Variants in LOC128125817 observed in about 807,000 individuals in gnomAD.
the LOC128125817 span, among the ~76,000 whole-genome samples, chr1:41,607,556 C>T: frequency 3.4e-3 from 524 of 152,044 alleles, 4 homozygotes; most frequent in Non-Finnish European, 5.1e-3. Flanking sequence ...TTTGGGCTTT[C>T]TTATATTCAA....
the LOC128125817 span, among the ~76,000 whole-genome samples, chr1:41,589,624 T>C: frequency 6.6e-6 from 1 of 152,182 alleles, no homozygotes; most frequent in Admixed American, 6.5e-5. Context: ...AGGTAGACAA[T>C]TCCACCAGTC....
At chr1:41,615,153 T>A in the LOC128125817 span, among the ~76,000 whole-genome samples, 1 of 152,248 alleles carries the variant, frequency 6.6e-6, no homozygotes, top group East Asian at 1.9e-4. Flanking sequence ...TGACTTGAAT[T>A]GGACTTGTTT....
chr1:41,603,324 T>C, the LOC128125817 span, among the ~76,000 whole-genome samples: 1 of 151,996 alleles, frequency 6.6e-6, no homozygotes, highest in Admixed American at 6.6e-5. Flanking sequence ...CACCTCGGCC[T>C]CCCAAAGCGC....
chr1:41,604,207 C>T, the LOC128125817 span, among the ~76,000 whole-genome samples: 1 of 152,002 alleles, frequency 6.6e-6, no homozygotes, highest in Non-Finnish European at 1.5e-5. Flanking sequence ...GTATGTCCTC[C>T]AAAAAACACA....
chr1:41,626,213 C>CT, the LOC128125817 span, among the ~76,000 whole-genome samples: 1 of 152,262 alleles, frequency 6.6e-6, no homozygotes, highest in Non-Finnish European at 1.5e-5. Flanking sequence ...GTTTGCAGCA[C>CT]TGCACACCTC....
chr1:41,613,184 C>G, the LOC128125817 span, among the ~76,000 whole-genome samples: 1 of 152,248 alleles, frequency 6.6e-6, no homozygotes, highest in Admixed American at 6.5e-5. Context: ...TGCGTCCTCT[C>G]CAAATGGGTT....
the LOC128125817 span, among the ~76,000 whole-genome samples, chr1:41,625,199 C>T: frequency 7.2e-5 from 10 of 138,570 alleles, no homozygotes; most frequent in Non-Finnish European, 1.2e-4. Flanking sequence ...AAAAGAATTC[C>T]TTAATACTTT....
At chr1:41,586,305 C>A in the LOC128125817 span, among the ~76,000 whole-genome samples, 2 of 152,144 alleles carry the variant, frequency 1.3e-5, no homozygotes. Flanking sequence ...GGAACAGGGT[C>A]GGAATCCCAA....
the LOC128125817 span, among the ~76,000 whole-genome samples, chr1:41,611,006 T>C: frequency 6.6e-6 from 1 of 152,078 alleles, no homozygotes; most frequent in Non-Finnish European, 1.5e-5. Flanking sequence ...ATACAGGCTT[T>C]CTTCCATTCA....
At chr1:41,587,418 A>G in the LOC128125817 span, among the ~76,000 whole-genome samples, 1 of 152,256 alleles carries the variant, frequency 6.6e-6, no homozygotes, top group Admixed American at 6.5e-5. Flanking sequence ...CAGGGTGGCC[A>G]TATAAGATAC....
the LOC128125817 span, among the ~76,000 whole-genome samples, chr1:41,594,913 G>T: frequency 1.3e-5 from 2 of 152,088 alleles, no homozygotes; most frequent in Non-Finnish European, 2.9e-5. Flanking sequence ...TGTGTGTAAG[G>T]AGTGAGGTAA....
the LOC128125817 span, among the ~76,000 whole-genome samples, chr1:41,595,465 C>T: frequency 2.6e-5 from 4 of 152,054 alleles, no homozygotes; most frequent in Non-Finnish European, 5.9e-5. Flanking sequence ...TGGGACATGC[C>T]GAGAAAGGAG....
chr1:41,599,653 T>C, the LOC128125817 span, among the ~76,000 whole-genome samples: 8 of 152,166 alleles, frequency 5.3e-5, no homozygotes, highest in Non-Finnish European at 1.2e-4. Context: ...GGAAGAAGCT[T>C]CATCACATTG....
chr1:41,615,815 CTTTTTTTTTTTTTTTTTT>C, the LOC128125817 span, among the ~76,000 whole-genome samples: 2 of 46,990 alleles, frequency 4.3e-5, 1 homozygote, highest in Non-Finnish European at 7.8e-5. Flanking sequence ...TTTGACAAGT[CTTTTTTTTTTTTTTTTTT>C]TTTTTTTTTT....
the LOC128125817 span, among the ~76,000 whole-genome samples, chr1:41,618,053 A>G: frequency 1.3e-5 from 2 of 152,188 alleles, no homozygotes; most frequent in African/African-American, 4.8e-5. Context: ...CTTACTAGAA[A>G]GGCGTAGTGT....
At chr1:41,613,012 G>A in the LOC128125817 span, among the ~76,000 whole-genome samples, 26 of 152,320 alleles carry the variant, frequency 1.7e-4, no homozygotes, top group South Asian at 1.9e-3. Context: ...TCCAGGAAGC[G>A]CCCAAGGAAG....
At chr1:41,615,845 T>TA in the LOC128125817 span, among the ~76,000 whole-genome samples, 1 of 137,816 alleles carries the variant, frequency 7.3e-6, no homozygotes, top group East Asian at 2.0e-4. Context: ...TTTTTTTTTT[T>TA]AGCAGGGTGG....
chr1:41,623,251 A>G, the LOC128125817 span, among the ~76,000 whole-genome samples: 1 of 152,180 alleles, frequency 6.6e-6, no homozygotes, highest in Non-Finnish European at 1.5e-5. Flanking sequence ...GCGACACGAG[A>G]AACCACGAAA....
chr1:41,596,315 G>A, the LOC128125817 span, among the ~76,000 whole-genome samples: 2 of 152,216 alleles, frequency 1.3e-5, no homozygotes, highest in East Asian at 1.9e-4. Context: ...ATGCTTCCAG[G>A]GTGACCAGCC....
Sources: gnomAD v4.1 joint callset for allele counts (sites outside exome capture counted in the v4.1 genomes callset) on GRCh38, gnomAD v4.1.1 for gene constraint, MANE v1.5 for transcripts.